The following C3orf70 variants were observed in gnomAD, a reference collection of about 807,000 sequenced individuals.
The protein encoded by C3orf70 is UPF0524 protein C3orf70.
A neutral mutation model predicts 20.7 loss-of-function variants in C3orf70; 15 were observed. The observed-to-expected ratio is 0.72, with a 90% CI of 0.48 to 1.11. The LOEUF (loss-of-function observed/expected upper bound fraction) is 1.11. Ranked by LOEUF, C3orf70 falls within the 50% of genes most tolerant of loss-of-function variation. The pLI is 0.00. For synonymous variants in C3orf70, 161 were observed against 125.7 expected (o/e 1.28, Z -1.88); for missense variants, 332 against 317.6 (o/e 1.05, Z -0.34).
At chr3:185,105,824 T>C (rs913870192) in intron 1 of C3orf70, among the ~76,000 whole-genome samples, 3 of 152,112 alleles carry the variant, frequency 2.0e-5, no homozygotes, top group Admixed American at 2.0e-4. Flanking sequence ...GCAATCCCTG[T>C]GGTGAGTAAG....
In C3orf70 at chr3:185,077,343, T is replaced by TG. The variant is rs1307614702; in HGVS notation, c.*5663dup. ...AAAGTGACCGGGTTCAAACCCTGACTGCCACTCATGTACGAGCTGTGCCAC... is the reference window on the plus strand; with the variant it reads ...AAAGTGACCGGGTTCAAACCCTGACTGGCCACTCATGTACGAGCTGTGCCAC... On this transcript the variant is annotated 3_prime_UTR_variant, in exon 2 of 2. Transcript: ENST00000335012. Among the ~76,000 whole-genome samples, 4 of 152,160 alleles carry TG rather than the reference T, an allele frequency of 2.6e-5. No individual in the cohort carries two copies. Among genetic ancestry groups the TG allele is most frequent in the African/African-American group, 9.7e-5 (4 of 41,430 alleles).
At chr3:185,096,457 G>T (rs1194974811) in intron 1 of C3orf70, among the ~76,000 whole-genome samples, 1 of 152,080 alleles carries the variant, frequency 6.6e-6, no homozygotes, top group Non-Finnish European at 1.5e-5. Flanking sequence ...AGAAAAAAGG[G>T]GTCCAGAGTA....
At position 185,079,736 on chromosome 3, in the gene C3orf70, G is replaced by C. The variant is rs1715291305; in HGVS notation, c.*3271C>G. 6.6e-6 allele frequency: 1 copy of C among 152,538 alleles called. No homozygotes were observed. Among genetic ancestry groups the C allele is most frequent in the Non-Finnish European group, 1.5e-5 (1 of 68,040 alleles). 9.4% of individuals were successfully genotyped at this position (152,538 alleles called of 1,614,324 possible). A position where few individuals can be genotyped will look rare whatever the true frequency, so the allele number is the denominator to read the frequency against. On this transcript the variant is annotated 3_prime_UTR_variant, in exon 2 of 2. Transcript: ENST00000335012. ...TTTCCAAAAGTAGGAGTGGTACCAG[G>C]TTTCCATGTAAACCCAAGAAAGCAG...
At chr3:185,089,053 ATTCT>A (rs1266470861) in intron 1 of C3orf70, among the ~76,000 whole-genome samples, 1 of 152,202 alleles carries the variant, frequency 6.6e-6, no homozygotes, top group African/African-American at 2.4e-5. Context: ...ACTCTAAGAG[ATTCT>A]TTCTTTAGGA....
intron 1 of C3orf70, among the ~76,000 whole-genome samples, chr3:185,109,127 CAG>C (rs1490504699): frequency 6.6e-6 from 1 of 152,092 alleles, no homozygotes; most frequent in Non-Finnish European, 1.5e-5. Context: ...AAGGGGGAGA[CAG>C]AGAATATGGA....
chr3:185,152,729 C>T lies in C3orf70; in HGVS notation c.95G>A (p.Arg32Lys), dbSNP rs781089373. The change falls in exon 1 of 2, where the codon AGA (arginine) becomes AAA (lysine). Residue 32 changes from arginine (R) to lysine (K), a missense_variant. By Grantham distance (26) the Arg-to-Lys change is conservative. Transcript: ENST00000335012. ...QALARSCAARRPDFQPCDGLS... is the reference protein window; with the variant it reads ...QALARSCAARKPDFQPCDGLS... ...CCCGTCGCACGGCTGGAAGTCGGGTCTGCGGGCGGCGCAACTCCGCGCCAG... is the reference window on the plus strand; with the variant it reads ...CCCGTCGCACGGCTGGAAGTCGGGTTTGCGGGCGGCGCAACTCCGCGCCAG... 1.9e-6 allele frequency: 3 copies of T among 1,593,836 alleles called. No homozygotes were observed. Among genetic ancestry groups the T allele is most frequent in the Admixed American group, 1.7e-5 (1 of 58,002 alleles).
chr3:185,149,317 G>A (rs1164061435), intron 1 of C3orf70, among the ~76,000 whole-genome samples: 1 of 151,764 alleles, frequency 6.6e-6, no homozygotes, highest in Non-Finnish European at 1.5e-5. Flanking sequence ...ACTTGAACCC[G>A]GGAGGTGGAG....
At chr3:185,116,613 C>T (rs752916077) in intron 1 of C3orf70, among the ~76,000 whole-genome samples, 1 of 152,132 alleles carries the variant, frequency 6.6e-6, no homozygotes, top group African/African-American at 2.4e-5. Flanking sequence ...CCAAATGTCC[C>T]CTGGGTGGCA....
chr3:185,099,921 C>T (rs1240040562), intron 1 of C3orf70, among the ~76,000 whole-genome samples: 1 of 152,156 alleles, frequency 6.6e-6, no homozygotes, highest in African/African-American at 2.4e-5. Flanking sequence ...CCTAATTTCA[C>T]ATAAAACACC....
chr3:185,095,948 G>C (rs554879310), intron 1 of C3orf70, among the ~76,000 whole-genome samples: 1 of 151,978 alleles, frequency 6.6e-6, no homozygotes, highest in African/African-American at 2.4e-5. Flanking sequence ...TGTTGGCCAG[G>C]ATGGTCTCGA....
At chr3:185,092,622 T>C (rs1215713809) in intron 1 of C3orf70, among the ~76,000 whole-genome samples, 1 of 152,064 alleles carries the variant, frequency 6.6e-6, no homozygotes, top group African/African-American at 2.4e-5. Flanking sequence ...AAATCTCACA[T>C]GAAAAGATAT....
At chr3:185,136,461 C>T (rs540651981) in intron 1 of C3orf70, among the ~76,000 whole-genome samples, 8 of 152,248 alleles carry the variant, frequency 5.3e-5, no homozygotes, top group Non-Finnish European at 8.8e-5. Context: ...CGGTGGCTCA[C>T]GCCTCAATCC....
chr3:185,115,842 G>T (rs1280085996), intron 1 of C3orf70, among the ~76,000 whole-genome samples: 1 of 152,194 alleles, frequency 6.6e-6, no homozygotes, highest in Non-Finnish European at 1.5e-5. Context: ...CAAAAAGAGC[G>T]CTAAAGAGAT....
chr3:185,086,399 G>A (rs1329051668), intron 1 of C3orf70, among the ~76,000 whole-genome samples: 1 of 152,150 alleles, frequency 6.6e-6, no homozygotes, highest in Non-Finnish European at 1.5e-5. Context: ...GTGAGGCCTT[G>A]GAGGAGTACT....
At chr3:185,113,005 T>C (rs1453701082) in intron 1 of C3orf70, among the ~76,000 whole-genome samples, 1 of 152,242 alleles carries the variant, frequency 6.6e-6, no homozygotes, top group East Asian at 1.9e-4. Flanking sequence ...TTAACATTTT[T>C]ATTCCAAAAT....
chr3:185,128,930 T>C (rs529246518), intron 1 of C3orf70, among the ~76,000 whole-genome samples: 39 of 152,228 alleles, frequency 2.6e-4, no homozygotes, highest in Non-Finnish European at 5.0e-4. Context: ...ATCAAGTGAT[T>C]AATATCTGAG....
intron 1 of C3orf70, among the ~76,000 whole-genome samples, chr3:185,115,263 CCT>C (rs35418955): frequency 0.15 from 22,093 of 152,074 alleles, 1,739 homozygotes; most frequent in East Asian, 0.23. Context: ...TTAATTTTCC[CCT>C]GTTTTGGCTG....
chr3:185,137,122 C>T (rs769492572), intron 1 of C3orf70, among the ~76,000 whole-genome samples: 2 of 152,112 alleles, frequency 1.3e-5, no homozygotes, highest in Non-Finnish European at 2.9e-5. Context: ...GTGCTGTTCT[C>T]GTGGTAGTGA....
At chr3:185,107,273 A>G (rs954326800) in intron 1 of C3orf70, among the ~76,000 whole-genome samples, 6 of 152,190 alleles carry the variant, frequency 3.9e-5, no homozygotes, top group African/African-American at 1.2e-4. Flanking sequence ...GGCCCGATGG[A>G]CAACCTGGGA....
Sources: allele counts gnomAD v4.1 joint callset (sites outside exome capture counted in the v4.1 genomes callset), GRCh38; gene constraint gnomAD v4.1.1; transcripts MANE v1.5; gene names NCBI Gene and HGNC (gene_info 2026-07-23, HGNC 2026-07-21).